The following CCND2 variants were observed in gnomAD, a reference collection of about 807,000 sequenced individuals.
CCND2 encodes the protein cyclin D2, also known as G1/S-specific cyclin-D2.
CCND2 carries 6 observed loss-of-function variants against 30.2 expected under a neutral mutation model. The observed-to-expected ratio is 0.20, with a 90% CI of 0.11 to 0.39. The LOEUF (loss-of-function observed/expected upper bound fraction) is 0.39. Ranked by LOEUF, CCND2 falls within the 10% of genes least tolerant of loss-of-function variation. CCND2 has a pLI of 1.00. For missense variants in CCND2, 235 were observed against 373.4 expected (o/e 0.63, Z 3.06); for synonymous variants, 150 against 153.1 (o/e 0.98, Z 0.15).
At position 4,282,330 on chromosome 12, in the gene CCND2, G is replaced by A. The variant is rs190659674; in HGVS notation, c.571+3411G>A. Among the ~76,000 whole-genome samples the A allele has an allele frequency of 4.6e-3, 694 of 152,192 alleles. 6 individuals carry two copies. The highest frequency in any genetic ancestry group is 0.014 in the African/African-American group (592 of 41,514). On this transcript the variant is annotated intron_variant, in intron 3 of 4. Transcript: ENST00000261254. This position sits in a 1 kb window ranked among gnomAD's most constrained non-coding sequence, Gnocchi z 4.3. ...GCACCTTGGTATTTGTGCCACACACGGTAGCCACCCCCAGGCCTCCCCACG... is the reference window on the plus strand; with the variant it reads ...GCACCTTGGTATTTGTGCCACACACAGTAGCCACCCCCAGGCCTCCCCACG...
chr12:4,300,111 A>C lies in CCND2; in HGVS notation c.*102A>C. 1 of 1,235,594 alleles carries C rather than the reference A, an allele frequency of 8.1e-7. No homozygotes were observed. The highest frequency in any genetic ancestry group is 1.1e-6 in the Non-Finnish European group (1 of 916,358). 76.5% of individuals were successfully genotyped at this position (1,235,594 alleles called of 1,614,324 possible). On this transcript the variant is annotated 3_prime_UTR_variant, in exon 5 of 5. Coordinates refer to ENST00000261254, the MANE Select transcript of CCND2 (RefSeq NM_001759.4). ...GTGTTTTAGGGTGAAACTTAAAAAA[A>C]AAATTCTGCCCCCACCTAGATCATA...
At chr12:4,296,303 C>T (rs778141464) in intron 4 of CCND2, among the ~76,000 whole-genome samples, 4 of 152,154 alleles carry the variant, frequency 2.6e-5, no homozygotes, top group South Asian at 4.1e-4. Flanking sequence ...GAATAGAGCC[C>T]GTGAGGAAGG....
intron 3 of CCND2, among the ~76,000 whole-genome samples, chr12:4,281,455 G>C (rs2120539875): frequency 6.6e-6 from 1 of 152,334 alleles, no homozygotes; most frequent in Admixed American, 6.5e-5. Context: ...AGCGGGCACA[G>C]AGTGACTGAG....
At chr12:4,278,728 T>G (rs752916808) in intron 2 of CCND2, 32 bp from the exon 3 acceptor site, 1 of 1,609,354 alleles carries the variant, frequency 6.2e-7, no homozygotes, top group South Asian at 1.1e-5. Context: ...GGAATTTAGA[T>G]TCTCCTCTTC....
rs779857983 is a variant in CCND2 at position 4,274,136 on chromosome 12, C to T, written c.96C>T (p.Thr32=). ...RDDRVLQNLL[T]IEERYLPQCS... Reference sequence around the variant, plus strand: ...ACCGCGTCCTGCAGAACCTGCTCACCATCGAGGAGCGCTACCTTCCGCAGT... The same window carrying T: ...ACCGCGTCCTGCAGAACCTGCTCACTATCGAGGAGCGCTACCTTCCGCAGT... Residue 32 remains threonine, a synonymous_variant, in exon 1 of 5, where the codon ACC becomes ACT. Transcript: ENST00000261254. The surrounding 1 kb of genome is among the most constrained non-coding windows in gnomAD (Gnocchi z 7.7). 1.2e-6 allele frequency: 2 copies of T among 1,614,118 alleles called. No homozygotes were observed. The highest frequency in any genetic ancestry group is 2.2e-5 in the South Asian group (2 of 91,084).
rs201572845 is a variant in CCND2, at chr12:4,275,969, C to T, written c.196-36C>T. On this transcript the variant is annotated intron_variant, in intron 1 of 4. Transcript: ENST00000261254. Reference sequence around the variant, plus strand: ...TCTTTTGCTGATGCTATGCTCTCCACCCCCGCCCCCCAACCCTTTCCCACT... The same window carrying T: ...TCTTTTGCTGATGCTATGCTCTCCATCCCCGCCCCCCAACCCTTTCCCACT... 1.5e-5 allele frequency: 19 copies of T among 1,237,596 alleles called. No homozygotes were observed. The East Asian group carries it at 4.7e-4, about 30-fold the overall frequency. The allele number at this position is 1,237,596 out of a possible 1,614,324, so 76.7% of individuals were successfully genotyped here.
At chr12:4,296,420 A>G (rs1407002814) in intron 4 of CCND2, among the ~76,000 whole-genome samples, 1 of 152,256 alleles carries the variant, frequency 6.6e-6, no homozygotes, top group Non-Finnish European at 1.5e-5. Flanking sequence ...GTGCCATGCG[A>G]AACCCTCTTT....
Position 4,301,858 on chromosome 12 carries a change from C to T in CCND2, c.*1849C>T. The T allele has an allele frequency of 4.3e-6, 1 of 230,392 alleles. No homozygotes were observed. The highest frequency in any genetic ancestry group is 6.1e-5 in the East Asian group (1 of 16,382). The allele number at this position is 230,392 out of a possible 1,614,324, so 14.3% of individuals were successfully genotyped here. A position where few individuals can be genotyped will look rare whatever the true frequency, so the allele number is the denominator to read the frequency against. On this transcript the variant is annotated 3_prime_UTR_variant, in exon 5 of 5. Transcript: ENST00000261254. ...GAAGTAGATGGTTGAGATATGAGTT[C>T]TTCGTACTGGAAAAGCCCTTCCGTA...
At chr12:4,286,181 G>A (rs149466446) in intron 3 of CCND2, among the ~76,000 whole-genome samples, 15 of 152,174 alleles carry the variant, frequency 9.9e-5, no homozygotes, top group Middle Eastern at 3.4e-3. Flanking sequence ...AACGACATAC[G>A]GTGAGCCTGA....
At position 4,305,140 on chromosome 12, in the gene CCND2, G is replaced by A. The variant is rs182399319; in HGVS notation, c.*5131G>A. ...GATAAGTAGCATGATCAGTGTATGC[G>A]AAAAGGTTTTTAGGAAGTATGGCAA... is the stretch of plus-strand genomic sequence containing the variant. On this transcript the variant is annotated 3_prime_UTR_variant, in exon 5 of 5. Transcript: ENST00000261254. The surrounding 1 kb of genome is among the most constrained non-coding windows in gnomAD (Gnocchi z 6.4). 2.1e-5 allele frequency: 5 copies of A among 233,552 alleles called. 1 individual carries two copies. The highest frequency in any genetic ancestry group is 1.1e-4 in the Admixed American group (2 of 17,790). The allele number at this position is 233,552 out of a possible 1,614,324, so 14.5% of individuals were successfully genotyped here.
chr12:4,292,255 C>T (rs1323978308), intron 4 of CCND2, among the ~76,000 whole-genome samples: 1 of 152,152 alleles, frequency 6.6e-6, no homozygotes, highest in Admixed American at 6.5e-5. Context: ...ATGTTGAGCT[C>T]TTCCCTGGAA....
chr12:4,301,946 T>G lies in CCND2; in HGVS notation c.*1937T>G, dbSNP rs1339608897. 12 of 227,394 alleles carry G rather than the reference T, an allele frequency of 5.3e-5. No individual in the cohort carries two copies. The Admixed American group carries it at 6.3e-4, about 12-fold the overall frequency. The allele number at this position is 227,394 out of a possible 1,614,324, so 14.1% of individuals were successfully genotyped here. The stretch of plus-strand genomic sequence containing the variant: ...TTTTTTTCTTTTTTGGTTTTTTGGT[T>G]TTTTTTTTTTCCTCTGATCACATTC... On this transcript the variant is annotated 3_prime_UTR_variant, in exon 5 of 5. Coordinates refer to ENST00000261254, the MANE Select transcript of CCND2 (RefSeq NM_001759.4).
rs192655661 is a variant in CCND2 at position 4,303,367 on chromosome 12, C to G, written c.*3358C>G. Reference sequence around the variant, plus strand: ...TAGTCTCTTTGGTAGGAGTTTTGTTCCAGAGGAGCTCTCCCCCTTGGATTT... The same window carrying G: ...TAGTCTCTTTGGTAGGAGTTTTGTTGCAGAGGAGCTCTCCCCCTTGGATTT... On this transcript the variant is annotated 3_prime_UTR_variant, in exon 5 of 5. Transcript: ENST00000261254. The surrounding 1 kb of genome is among the most constrained non-coding windows in gnomAD (Gnocchi z 4.6). The G allele has an allele frequency of 2.1e-5, 5 of 233,326 alleles. No individual in the cohort carries two copies. Among genetic ancestry groups the G allele is most frequent in the African/African-American group, 1.1e-4 (5 of 45,472 alleles). 14.5% of individuals were successfully genotyped at this position (233,326 alleles called of 1,614,324 possible). A position where few individuals can be genotyped will look rare whatever the true frequency, so the allele number is the denominator to read the frequency against.
chr12:4,275,481 C>T, intron 1 of CCND2: 1 of 134,102 alleles, frequency 7.5e-6, no homozygotes, highest in Non-Finnish European at 1.6e-5. Flanking sequence ...CCTCTCTTCC[C>T]CACCTCTCCT....
intron 4 of CCND2, among the ~76,000 whole-genome samples, chr12:4,297,055 T>C (rs1432295934): frequency 6.6e-6 from 1 of 152,126 alleles, no homozygotes; most frequent in East Asian, 1.9e-4. Context: ...GAAAGGGCTG[T>C]CCATGTCTAT....
At position 4,300,041 on chromosome 12, in the gene CCND2, G is replaced by A. The variant is rs182223310; in HGVS notation, c.*32G>A. The A allele has an allele frequency of 4.0e-5, 64 of 1,596,334 alleles. 1 individual carries two copies. In the East Asian group the frequency reaches 4.3e-4, roughly 11 times the overall value. ...CAGTTGGGCCGAAAGAGAGAGACGC[G>A]TCCATAATCTGGTCTCTTCTTCTTT... On this transcript the variant is annotated 3_prime_UTR_variant, in exon 5 of 5. Coordinates refer to ENST00000261254, the MANE Select transcript of CCND2 (RefSeq NM_001759.4).
chr12:4,282,910 A>G lies in CCND2; in HGVS notation c.571+3991A>G, dbSNP rs976935781. ...TCTGGTTCTGGCCCTTTGAACTTCC[A>G]CCTGACTGCAGGTTGGAGAAGAGAG... is the stretch of plus-strand genomic sequence containing the variant. On this transcript the variant is annotated intron_variant, in intron 3 of 4. Coordinates refer to ENST00000261254, the MANE Select transcript of CCND2 (RefSeq NM_001759.4). The surrounding 1 kb of genome is among the most constrained non-coding windows in gnomAD (Gnocchi z 4.3). Among the ~76,000 whole-genome samples, 7 of 152,002 alleles carry G rather than the reference A, an allele frequency of 4.6e-5. No homozygotes were observed. The highest frequency in any genetic ancestry group is 7.3e-5 in the African/African-American group (3 of 41,366).
chr12:4,297,593 A>AC (rs1370950456), intron 4 of CCND2, among the ~76,000 whole-genome samples: 2 of 150,886 alleles, frequency 1.3e-5, no homozygotes, highest in African/African-American at 2.5e-5. Context: ...AAAAAAAAAA[A>AC]AAAACAGAAA....
Position 4,274,670 on chromosome 12 carries a change from C to T in CCND2, c.195+435C>T, listed in dbSNP as rs1863839317. ...AGCAAATTCGTCTTGGCCTCAGGTCCCCGCCTGTGGTCGCGACTCCGCGCT... is the reference window on the plus strand; with the variant it reads ...AGCAAATTCGTCTTGGCCTCAGGTCTCCGCCTGTGGTCGCGACTCCGCGCT... On this transcript the variant is annotated intron_variant, in intron 1 of 4. Coordinates refer to ENST00000261254, the MANE Select transcript of CCND2 (RefSeq NM_001759.4). The surrounding 1 kb of genome is among the most constrained non-coding windows in gnomAD (Gnocchi z 7.7). 6.6e-6 allele frequency among the ~76,000 whole-genome samples: 1 copy of T among 152,216 alleles called. No homozygotes were observed. Among genetic ancestry groups the T allele is most frequent in the Non-Finnish European group, 1.5e-5 (1 of 68,042 alleles).
Sources: allele counts gnomAD v4.1 joint callset (sites outside exome capture counted in the v4.1 genomes callset), GRCh38; gene constraint gnomAD v4.1.1; non-coding constraint Gnocchi (gnomAD v3.1); transcripts MANE v1.5; gene names NCBI Gene and HGNC (gene_info 2026-07-23, HGNC 2026-07-21).